RGL1: variants seen among roughly 807,000 people sequenced by gnomAD.
RGL1 encodes ral guanine nucleotide dissociation stimulator-like 1.
Under a neutral mutation model 95.2 loss-of-function variants are expected in RGL1, and 24 were observed. That is an observed-to-expected ratio of 0.25 (90% confidence interval 0.18 to 0.35). RGL1 has a LOEUF of 0.35. RGL1 is among the 10% of genes least tolerant of loss of function. RGL1 has a pLI of 1.00. For synonymous variants in RGL1, 329 were observed against 344.9 expected (o/e 0.95, Z 0.51); for missense variants, 715 against 936.3 (o/e 0.76, Z 3.08).
At chr1:183,898,194 C>G (rs1269240472) in intron 10 of RGL1, among the ~76,000 whole-genome samples, 2 of 152,184 alleles carry the variant, frequency 1.3e-5, no homozygotes, top group African/African-American at 2.4e-5. Context: ...CTCTTGCAGT[C>G]TCTTCCGCCC....
At chr1:183,638,017 A>G (rs1458952971) in intron 1 of RGL1, among the ~76,000 whole-genome samples, 2 of 152,186 alleles carry the variant, frequency 1.3e-5, no homozygotes, top group East Asian at 3.8e-4. Flanking sequence ...TTCTTTGAAG[A>G]GAAAATCGAA....
intron 1 of RGL1, chr1:183,710,312 C>A: frequency 6.2e-6 from 1 of 161,380 alleles, no homozygotes; most frequent in Admixed American, 6.2e-5. Flanking sequence ...CCATCTTTAC[C>A]TCTCCAAGAC....
chr1:183,854,320 T>C (rs1174514838), intron 3 of RGL1, among the ~76,000 whole-genome samples: 1 of 152,148 alleles, frequency 6.6e-6, no homozygotes, highest in African/African-American at 2.4e-5. Context: ...CCTGGCCAAA[T>C]CCCTGACCTC....
intron 2 of RGL1, among the ~76,000 whole-genome samples, chr1:183,799,968 C>T (rs1660899613): frequency 6.6e-6 from 1 of 152,130 alleles, no homozygotes. Flanking sequence ...CTATCAGATA[C>T]TTTACATAGT....
At chr1:183,828,208 A>G (rs1403938728) in intron 2 of RGL1, among the ~76,000 whole-genome samples, 1 of 152,350 alleles carries the variant, frequency 6.6e-6, no homozygotes, top group African/African-American at 2.4e-5. Context: ...TAATTTAGAC[A>G]GTTATAATTT....
rs146788888 is a variant in RGL1 at position 183,820,049 on chromosome 1, A to C, written c.138+13564A>C. On this transcript the variant is annotated intron_variant, in intron 2 of 17. Transcript: ENST00000360851. ...CGATCCTCCCACCTTGGGCCCCTAA[A>C]GTGCTGGGATTACAGGCGTGAGCCA... Among the ~76,000 whole-genome samples, 499 of 152,144 alleles carry C rather than the reference A, an allele frequency of 3.3e-3. 2 individuals are homozygous for C. The highest frequency in any genetic ancestry group is 0.012 in the African/African-American group (481 of 41,518).
intron 8 of RGL1, among the ~76,000 whole-genome samples, chr1:183,889,367 G>T (rs1041094927): frequency 6.6e-6 from 1 of 152,146 alleles, no homozygotes; most frequent in African/African-American, 2.4e-5. Flanking sequence ...AGGAAGTTAG[G>T]CTATATCAGG....
intron 2 of RGL1, among the ~76,000 whole-genome samples, chr1:183,755,513 C>T (rs1217942344): frequency 6.6e-6 from 1 of 151,586 alleles, no homozygotes; most frequent in South Asian, 2.1e-4. Context: ...AATTTCAGTA[C>T]CTTTTTAAAA....
intron 17 of RGL1, among the ~76,000 whole-genome samples, chr1:183,924,089 C>A (rs943604083): frequency 1.3e-5 from 2 of 152,198 alleles, no homozygotes; most frequent in Admixed American, 1.3e-4. Flanking sequence ...ACCAGAAATG[C>A]CATTTGACCC....
At chr1:183,733,423 G>A (rs1267501401) in intron 1 of RGL1, among the ~76,000 whole-genome samples, 1 of 152,096 alleles carries the variant, frequency 6.6e-6, no homozygotes, top group Admixed American at 6.5e-5. Context: ...CATCTCTAGT[G>A]GTTTCCCCTT....
In RGL1 at chr1:183,897,718, G is replaced by A. The variant is rs371099220; in HGVS notation, c.1141-90G>A. ...TGGTGTTCCGAGCGAGAGTTATGCA[G>A]GGTTGTGTGCGAGAAACTAGATGCC... is the stretch of plus-strand genomic sequence containing the variant. On this transcript the variant is annotated intron_variant, in intron 9 of 17. Transcript: ENST00000360851. The A allele has an allele frequency of 1.9e-5, 17 of 901,006 alleles. No individual in the cohort carries two copies. The Middle Eastern group carries it at 6.6e-4, about 35-fold the overall frequency. 55.8% of individuals were successfully genotyped at this position (901,006 alleles called of 1,614,324 possible).
At chr1:183,786,543 A>G (rs1169374956) in intron 2 of RGL1, among the ~76,000 whole-genome samples, 1 of 152,174 alleles carries the variant, frequency 6.6e-6, no homozygotes, top group Non-Finnish European at 1.5e-5. Context: ...TCCAATGAGC[A>G]TTCCCTTTGA....
chr1:183,800,081 C>T (rs1186661922), intron 2 of RGL1, among the ~76,000 whole-genome samples: 1 of 152,132 alleles, frequency 6.6e-6, no homozygotes, highest in African/African-American at 2.4e-5. Context: ...TCATCCAGAG[C>T]TGGAATTTAA....
At chr1:183,878,403 G>T (rs1666644163) in intron 4 of RGL1, among the ~76,000 whole-genome samples, 1 of 151,892 alleles carries the variant, frequency 6.6e-6, no homozygotes, top group African/African-American at 2.4e-5. Context: ...TCGCCACGTT[G>T]CCCTAGCTGG....
At chr1:183,763,250 C>T (rs1376618575) in intron 2 of RGL1, among the ~76,000 whole-genome samples, 1 of 151,946 alleles carries the variant, frequency 6.6e-6, no homozygotes, top group Non-Finnish European at 1.5e-5. Flanking sequence ...GACATGGGGA[C>T]TAGGGGAGAA....
At chr1:183,856,144 G>A (rs2102563144) in intron 3 of RGL1, among the ~76,000 whole-genome samples, 1 of 152,134 alleles carries the variant, frequency 6.6e-6, no homozygotes, top group South Asian at 2.1e-4. Context: ...CCTGACTAGG[G>A]TGAGAATTTC....
intron 4 of RGL1, among the ~76,000 whole-genome samples, chr1:183,878,298 T>C (rs1666636955): frequency 6.6e-6 from 1 of 151,962 alleles, no homozygotes; most frequent in South Asian, 2.1e-4. Context: ...TTGGGTACAA[T>C]CAATCCACCC....
intron 2 of RGL1, among the ~76,000 whole-genome samples, chr1:183,794,148 G>A (rs1660578756): frequency 6.6e-6 from 1 of 151,822 alleles, no homozygotes; most frequent in South Asian, 2.1e-4. Context: ...CAATGTGGAT[G>A]GAACTAGAGG....
chr1:183,915,330 A>G (rs1184499338), intron 15 of RGL1, among the ~76,000 whole-genome samples: 1 of 152,240 alleles, frequency 6.6e-6, no homozygotes, highest in African/African-American at 2.4e-5. Context: ...TCATTCCGGG[A>G]AATTCTTTAT....
Sources: gnomAD v4.1 joint callset for allele counts (sites outside exome capture counted in the v4.1 genomes callset) on GRCh38, gnomAD v4.1.1 for gene constraint, MANE v1.5 for transcripts, NCBI Gene and HGNC (gene_info 2026-07-23, HGNC 2026-07-21) for gene names.